The following FAM120B variants were observed in gnomAD, a reference collection of about 807,000 sequenced individuals.
FAM120B encodes constitutive coactivator of peroxisome proliferator-activated receptor gamma.
A neutral mutation model predicts 96.3 loss-of-function variants in FAM120B; 83 were observed. The observed-to-expected ratio is 0.86, with a 90% CI of 0.72 to 1.03. FAM120B has a LOEUF of 1.03. Ranked by LOEUF, FAM120B falls within the 50% of genes least tolerant of loss-of-function variation. FAM120B has a pLI of 0.00. For missense variants in FAM120B, 1,027 were observed against 1,121.2 expected (o/e 0.92, Z 1.20); for synonymous variants, 407 against 402.7 (o/e 1.01, Z -0.13).
At position 170,317,654 on chromosome 6, in the gene FAM120B, C is replaced by T; in HGVS notation, c.264C>T (p.Phe88=). 6.2e-7 allele frequency: 1 copy of T among 1,614,138 alleles called. No homozygotes were observed. The part of the protein sequence containing the change: ...FTAAGIKLIF[F]FDGMVEQDKR... ...CAGCTGGGATCAAGTTGATATTCTT[C>T]TTTGATGGCATGGTGGAGCAGGATA... The change falls in exon 2 of 11, where the codon TTC becomes TTT. Residue 88 remains phenylalanine (F), a synonymous_variant. Transcript: ENST00000476287.
intron 6 of FAM120B, among the ~76,000 whole-genome samples, chr6:170,373,630 C>T (rs1789335631): frequency 6.6e-6 from 1 of 152,172 alleles, no homozygotes; most frequent in Non-Finnish European, 1.5e-5. Context: ...AAGGTTACCG[C>T]ACAGTGTTTT....
intron 3 of FAM120B, among the ~76,000 whole-genome samples, chr6:170,326,796 T>A (rs541816302): frequency 2.6e-5 from 4 of 152,312 alleles, no homozygotes; most frequent in South Asian, 2.1e-4. Flanking sequence ...TGGAGTGCAG[T>A]GGCACCATCA....
intron 5 of FAM120B, among the ~76,000 whole-genome samples, chr6:170,352,085 T>C (rs1053254918): frequency 6.6e-6 from 1 of 151,682 alleles, no homozygotes; most frequent in African/African-American, 2.4e-5. Flanking sequence ...AAATAAAGGG[T>C]TGGAAGAAAA....
intron 4 of FAM120B, among the ~76,000 whole-genome samples, chr6:170,346,915 T>C (rs1219037161): frequency 6.6e-6 from 1 of 152,172 alleles, no homozygotes; most frequent in East Asian, 1.9e-4. Context: ...ACTACTGCCA[T>C]AGGGTTGTTT....
chr6:170,338,479 G>C (rs1786588781), intron 4 of FAM120B, among the ~76,000 whole-genome samples: 1 of 152,182 alleles, frequency 6.6e-6, no homozygotes, highest in African/African-American at 2.4e-5. Flanking sequence ...AATAAGTGCT[G>C]TCTGGTGCTG....
rs142080752 is a variant in FAM120B at position 170,393,029 on chromosome 6, T to C, written c.2599+1908T>C. On this transcript the variant is annotated intron_variant, in intron 8 of 10. Transcript: ENST00000476287. ...TGGTTGGCAGTAGGTCCTCAGAAGT[T>C]TGCGCCGTGGCTGGGCACACACCTG... Among the ~76,000 whole-genome samples, 341 of 152,176 alleles carry C rather than the reference T, an allele frequency of 2.2e-3. 2 individuals are homozygous for C. Among genetic ancestry groups the C allele is most frequent in the Middle Eastern group, 0.014 (4 of 294 alleles).
intron 1 of FAM120B, among the ~76,000 whole-genome samples, chr6:170,312,069 A>G (rs4710793): frequency 0.94 from 143,053 of 152,310 alleles, 67,267 homozygotes; most frequent in East Asian, 1. Flanking sequence ...ATGACACTGT[A>G]GGAGAACAGT....
chr6:170,348,879 G>T (rs1036197229), intron 5 of FAM120B, among the ~76,000 whole-genome samples: 29 of 152,100 alleles, frequency 1.9e-4, no homozygotes, highest in African/African-American at 6.8e-4. Context: ...GCGATTTCAG[G>T]TGTCATAACC....
intron 1 of FAM120B, among the ~76,000 whole-genome samples, chr6:170,314,102 C>G (rs1784756142): frequency 6.6e-6 from 1 of 152,236 alleles, no homozygotes; most frequent in African/African-American, 2.4e-5. Context: ...TCCCTATTTA[C>G]TGGTAACTCA....
At chr6:170,366,063 T>C (rs1788774245) in intron 6 of FAM120B, among the ~76,000 whole-genome samples, 1 of 152,026 alleles carries the variant, frequency 6.6e-6, no homozygotes, top group South Asian at 2.1e-4. Context: ...TACGAAAAAA[T>C]AGATAAATAA....
intron 4 of FAM120B, 34 bp from the exon 5 acceptor site, chr6:170,348,117 G>C: frequency 6.3e-7 from 1 of 1,582,776 alleles, no homozygotes; most frequent in African/African-American, 1.3e-5. Context: ...GTGCTGCAAA[G>C]AACAATAGTT....
At chr6:170,368,469 A>T (rs937808093) in intron 6 of FAM120B, among the ~76,000 whole-genome samples, 4 of 152,236 alleles carry the variant, frequency 2.6e-5, no homozygotes, top group Non-Finnish European at 5.9e-5. Context: ...TTGAAGACAT[A>T]ATGAGATCAA....
intron 3 of FAM120B, 53 bp from the exon 4 acceptor site, chr6:170,330,396 A>G: frequency 7.0e-7 from 1 of 1,423,324 alleles, no homozygotes; most frequent in Non-Finnish European, 9.9e-7. Context: ...TGACACTGTG[A>G]GCCTGGCGAT....
At chr6:170,325,148 C>T (rs1452253012) in intron 3 of FAM120B, among the ~76,000 whole-genome samples, 2 of 152,120 alleles carry the variant, frequency 1.3e-5, no homozygotes, top group Admixed American at 6.5e-5. Flanking sequence ...CTTAATGAAT[C>T]GACCCTTTTA....
At chr6:170,341,959 T>C (rs555255339) in intron 4 of FAM120B, among the ~76,000 whole-genome samples, 1 of 152,324 alleles carries the variant, frequency 6.6e-6, no homozygotes, top group African/African-American at 2.4e-5. Flanking sequence ...TTTCAGTTCA[T>C]GGATTGATTA....
Position 170,326,613 on chromosome 6 carries a change from A to G in FAM120B, c.1915+3354A>G, listed in dbSNP as rs78387617. The stretch of plus-strand genomic sequence containing the variant: ...GGCTCCTTCCACAGTCCCCGTCACA[A>G]CTACCCAATCCTGCTGTTGTAGTGC... On this transcript the variant is annotated intron_variant, in intron 3 of 10. Transcript: ENST00000476287. Among the ~76,000 whole-genome samples, 462 of 152,354 alleles carry G rather than the reference A, an allele frequency of 3.0e-3. 1 individual carries two copies. Among genetic ancestry groups the G allele is most frequent in the African/African-American group, 0.01 (418 of 41,590 alleles).
rs572244215 is a variant in FAM120B at position 170,327,466 on chromosome 6, G to C, written c.1916-2983G>C. Among the ~76,000 whole-genome samples the C allele has an allele frequency of 6.6e-5, 10 of 152,380 alleles. No individual in the cohort carries two copies. The South Asian group carries it at 2.1e-3, about 32-fold the overall frequency. On this transcript the variant is annotated intron_variant, in intron 3 of 10. Coordinates refer to ENST00000476287, the MANE Select transcript of FAM120B (RefSeq NM_032448.3). ...TTTTCAGACTGTAAAAAAGCAGGCAGATTTGACCCATGAGCTGGTAGTTTG... is the reference window on the plus strand; with the variant it reads ...TTTTCAGACTGTAAAAAAGCAGGCACATTTGACCCATGAGCTGGTAGTTTG...
chr6:170,372,419 C>T (rs976996797), intron 6 of FAM120B, among the ~76,000 whole-genome samples: 167 of 4,614 alleles, frequency 0.036, no homozygotes, highest in African/African-American at 0.12. Context: ...TCTACAGGGG[C>T]GGGGGGGTGG....
At chr6:170,344,275 A>C (rs1787033044) in intron 4 of FAM120B, among the ~76,000 whole-genome samples, 1 of 104,468 alleles carries the variant, frequency 9.6e-6, no homozygotes. Flanking sequence ...CGTTCAGTCC[A>C]TTCACCTGCA....
Sources: gnomAD v4.1 joint callset for allele counts (sites outside exome capture counted in the v4.1 genomes callset) on GRCh38, gnomAD v4.1.1 for gene constraint, MANE v1.5 for transcripts, NCBI Gene and HGNC (gene_info 2026-07-23, HGNC 2026-07-21) for gene names.